FADS2: variants seen among roughly 807,000 people sequenced by gnomAD.
FADS2 encodes fatty acid desaturase 2.
FADS2 carries 18 observed loss-of-function variants against 61.2 expected under a neutral mutation model. That is an observed-to-expected ratio of 0.29 (90% CI 0.20 to 0.44). The LOEUF (loss-of-function observed/expected upper bound fraction) is 0.44, where lower values mean the gene tolerates loss of function less well. FADS2 is among the 20% of genes least tolerant of loss of function. The pLI is 1.00. For synonymous variants in FADS2, 203 were observed against 223.9 expected, an observed-to-expected ratio of 0.91 and a Z score of 0.83; for missense variants, 322 against 572.7, an observed-to-expected ratio of 0.56 and a Z score of 4.47.
intron 1 of FADS2, among the ~76,000 whole-genome samples, chr11:61,833,170 G>A (rs1369014510): frequency 6.6e-6 from 1 of 152,194 alleles, no homozygotes; most frequent in Admixed American, 6.5e-5. Context: ...CGAGGCGGGT[G>A]CATCTCTGCT....
chr11:61,852,062 C>T (rs996186993), intron 5 of FADS2, among the ~76,000 whole-genome samples: 5 of 152,154 alleles, frequency 3.3e-5, no homozygotes, highest in Admixed American at 3.3e-4. Context: ...CCCGGCACCC[C>T]CATGAGGTGG....
rs576514347 is a variant in FADS2, at chr11:61,819,030, C to T, written c.141+2604C>T. Among the ~76,000 whole-genome samples, 210 of 152,092 alleles carry T rather than the reference C, an allele frequency of 1.4e-3. 1 individual carries two copies. Among genetic ancestry groups the T allele is most frequent in the African/African-American group, 4.5e-3 (188 of 41,510 alleles). On this transcript the variant is annotated intron_variant, in intron 1 of 11. Coordinates refer to the FADS2 transcript ENST00000257261. ...GGACTACAGGTGCCCGCCACCACGC[C>T]CAGCTAATTTTGTTTTTGTATTTTT...
chr11:61,864,851 C>G (rs2067452529), intron 10 of FADS2, among the ~76,000 whole-genome samples: 1 of 152,140 alleles, frequency 6.6e-6, no homozygotes, highest in African/African-American at 2.4e-5. Flanking sequence ...GCCTCTTTTC[C>G]TAGCATTCCC....
chr11:61,824,431 AGAGGGAGGGAGGGAGGGAGGGAG>A (rs2067057018), upstream of FADS2, among the ~76,000 whole-genome samples: 1 of 3,828 alleles, frequency 2.6e-4, no homozygotes, highest in African/African-American at 5.3e-4. Flanking sequence ...AGAGAGAGAG[AGAGGGAGGGAGGGAGGGAGGGAG>A]GGAGGGAGAG....
At chr11:61,853,200 A>G (rs2067322738) in intron 5 of FADS2, among the ~76,000 whole-genome samples, 1 of 151,992 alleles carries the variant, frequency 6.6e-6, no homozygotes, top group Non-Finnish European at 1.5e-5. Context: ...CAAAACAAAC[A>G]GAAAAAAAGT....
intron 9 of FADS2, 121 bp from the exon 10 acceptor site, chr11:61,863,586 G>T (rs1027120498): frequency 1.2e-6 from 1 of 862,124 alleles, no homozygotes. Context: ...AGGCCATCAG[G>T]CAGGACGGTA....
At chr11:61,857,882 G>A (rs2067376784) in intron 7 of FADS2, among the ~76,000 whole-genome samples, 1 of 152,236 alleles carries the variant, frequency 6.6e-6, no homozygotes, top group Non-Finnish European at 1.5e-5. Flanking sequence ...CCCACACCCT[G>A]GTTTGAAGTT....
At chr11:61,840,198 C>G (rs1591169704) in intron 2 of FADS2, 136 bp from the exon 3 acceptor site, 3 of 713,312 alleles carry the variant, frequency 4.2e-6, no homozygotes, top group East Asian at 5.3e-5. Flanking sequence ...CCTGGAGGGT[C>G]GAGGCTTGTG....
At chr11:61,837,702 T>C in intron 1 of FADS2, 76 bp from the exon 2 acceptor site, 1 of 993,912 alleles carries the variant, frequency 1.0e-6, no homozygotes, top group Non-Finnish European at 1.6e-6. Context: ...CTGTTGCTGG[T>C]GAGCACTGTC....
Position 61,848,201 on chromosome 11 carries a change from C to T in FADS2, c.661C>T (p.His221Tyr), listed in dbSNP as rs2067276579. Reference protein sequence around the residue: ...NWWNHRHFQHHAKPNIFHKDP... With the variant: ...NWWNHRHFQHYAKPNIFHKDP... ...GTGGAATCATCGCCACTTCCAGCAC[C>T]ACGCCAAGCCTAACATCTTCCACAA... The change falls in exon 5 of 12, where the codon CAC (histidine) becomes TAC (tyrosine). Residue 221 changes from histidine (H) to tyrosine (Y), a missense_variant. Physicochemically the swap from His to Tyr is moderately conservative, Grantham distance 83. Transcript: ENST00000278840. The T allele has an allele frequency of 6.2e-7, 1 of 1,614,110 alleles. No homozygotes were observed. The highest frequency in any genetic ancestry group is 8.5e-7 in the Non-Finnish European group (1 of 1,180,050).
intron 2 of FADS2, among the ~76,000 whole-genome samples, chr11:61,838,407 C>T (rs972630665): frequency 1.3e-5 from 2 of 152,118 alleles, no homozygotes; most frequent in Non-Finnish European, 1.5e-5. Flanking sequence ...ATGTAAATGG[C>T]GGAGCCGTTT....
In FADS2 at chr11:61,863,798, G is replaced by A. The variant is rs1485934725; in HGVS notation, c.1157+12G>A. On this transcript the variant is annotated intron_variant, in intron 10 of 11. Transcript: ENST00000278840. Reference sequence around the variant, plus strand: ...CAGATTGAGCACCAGTGAGCGCGGGGCTGCGGGGAGGCGGGGAGACCCACA... The same window carrying A: ...CAGATTGAGCACCAGTGAGCGCGGGACTGCGGGGAGGCGGGGAGACCCACA... 1 of 1,611,586 alleles carries A rather than the reference G, an allele frequency of 6.2e-7. No individual in the cohort carries two copies. The highest frequency in any genetic ancestry group is 1.7e-5 in the Admixed American group (1 of 60,024).
At position 61,857,513 on chromosome 11, in the gene FADS2, G is replaced by A. The variant is rs140356378; in HGVS notation, c.865G>A (p.Val289Ile). The change falls in exon 7 of 12, where the codon GTC (valine) becomes ATC (isoleucine). Residue 289 changes from valine to isoleucine, a missense_variant. Val to Ile is a conservative substitution (Grantham distance 29). Around this residue, in one of 3 missense-constraint regions of FADS2, gnomAD observed 221 missense variants for 427.9 expected, o/e 0.52. Transcript: ENST00000278840. Reference sequence around the variant, plus strand: ...GTACCAGATCATCATGACCATGATCGTCCATAAGAACTGGGTGGTGAGTTG... The same window carrying A: ...GTACCAGATCATCATGACCATGATCATCCATAAGAACTGGGTGGTGAGTTG... ...FQYQIIMTMI[V>I]HKNWVDLAWA... The A allele has an allele frequency of 3.5e-5, 56 of 1,613,668 alleles. No homozygotes were observed. Among genetic ancestry groups the A allele is most frequent in the East Asian group, 1.3e-4 (6 of 44,896 alleles).
intron 4 of FADS2, among the ~76,000 whole-genome samples, chr11:61,844,849 C>T (rs1363936991): frequency 2.1e-5 from 3 of 140,328 alleles, no homozygotes; most frequent in South Asian, 2.3e-4. Flanking sequence ...CACTTGAACC[C>T]GGGAGGTAGA....
At chr11:61,853,194 A>G (rs2067322673) in intron 5 of FADS2, among the ~76,000 whole-genome samples, 1 of 151,130 alleles carries the variant, frequency 6.6e-6, no homozygotes, top group Non-Finnish European at 1.5e-5. Context: ...ACAAAACAAA[A>G]CAAACAGAAA....
chr11:61,862,858 C>T (rs2067429897), intron 7 of FADS2, 114 bp from the exon 8 acceptor site: 2 of 805,456 alleles, frequency 2.5e-6, no homozygotes, highest in South Asian at 1.5e-5. Context: ...TTTCAGTGGG[C>T]TGCGGTCCAG....
Position 61,865,144 on chromosome 11 carries a change from C to T in FADS2, c.1158-8C>T. On this transcript the variant is annotated splice_polypyrimidine_tract_variant and splice_region_variant and intron_variant, in intron 10 of 11. Transcript: ENST00000278840. This position sits in a 1 kb window ranked among gnomAD's most constrained non-coding sequence, Gnocchi z 4.1. ...CCTCACGCTCTGCCCACCCTACACA[C>T]TCCTCAGCCTCTTCCCCACCATGCC... The T allele has an allele frequency of 1.2e-6, 2 of 1,612,516 alleles. No homozygotes were observed. The highest frequency in any genetic ancestry group is 2.2e-5 in the South Asian group (2 of 90,982).
At chr11:61,826,123 C>A (rs1248507159), upstream of FADS2, 4 of 702,624 alleles carry the variant, frequency 5.7e-6, no homozygotes, top group Admixed American at 8.0e-5. Context: ...TACGGATGTC[C>A]AAGCCTCCTC....
chr11:61,824,521 A>AAGAAAGAAAGAAAGAAAG (rs1565325492), upstream of FADS2, among the ~76,000 whole-genome samples: 1 of 108,712 alleles, frequency 9.2e-6, no homozygotes, highest in African/African-American at 3.0e-5. Flanking sequence ...GAAAGAAAGA[A>AAGAAAGAAAGAAAGAAAG]AGAAAGAAAA....
Sources: allele counts gnomAD v4.1 joint callset (sites outside exome capture counted in the v4.1 genomes callset), GRCh38; gene constraint gnomAD v4.1.1; regional missense constraint gnomAD v4.1.1; non-coding constraint Gnocchi (gnomAD v3.1); transcripts MANE v1.5; gene names NCBI Gene and HGNC (gene_info 2026-07-23, HGNC 2026-07-21).